SLFN14: variants seen among roughly 807,000 people sequenced by gnomAD.
SLFN14 encodes the protein schlafen family member 14.
A neutral mutation model predicts 58.6 loss-of-function variants in SLFN14; 47 were observed. That is an observed-to-expected ratio of 0.80 (90% CI 0.64 to 1.02). The LOEUF is 1.02. Ranked by LOEUF, SLFN14 falls within the 50% of genes least tolerant of loss-of-function variation. The probability of loss-of-function intolerance (pLI) is 0.00; values close to 1 mark genes in which losing one functional copy is unlikely to be tolerated. For synonymous variants in SLFN14, 390 were observed against 387.3 expected, an observed-to-expected ratio of 1.01 and a Z score of -0.08; for missense variants, 967 against 1,078.4, an observed-to-expected ratio of 0.90 and a Z score of 1.45.
chr17:35,544,454 A>G lies in SLFN14; in HGVS notation c.*3785T>C, dbSNP rs915246220. On this transcript the variant is annotated 3_prime_UTR_variant, in exon 6 of 6. Coordinates refer to ENST00000674182, the MANE Select transcript of SLFN14 (RefSeq NM_001129820.2). The stretch of plus-strand genomic sequence containing the variant: ...CATAACTGTGTGAAAATATTTTTCC[A>G]TATCAACAAAGAATAGAAATAAATA... Among the ~76,000 whole-genome samples, 2 of 152,318 alleles carry G rather than the reference A, an allele frequency of 1.3e-5. No homozygotes were observed. The highest frequency in any genetic ancestry group is 3.9e-4 in the East Asian group (2 of 5,192).
Position 35,549,019 on chromosome 17 carries a change from A to G in SLFN14, c.1959T>C (p.Phe653=), listed in dbSNP as rs745514094. 6.4e-7 allele frequency: 1 copy of G among 1,551,686 alleles called. No individual in the cohort carries two copies. The change falls in exon 6 of 6, where the codon TTT becomes TTC. Residue 653 remains phenylalanine (F), a synonymous_variant. Transcript: ENST00000674182. Reference sequence around the variant, plus strand: ...CCATCACTATGTGTTTAATCTTTAGAAACTCCCCTTGCATGAAAGTTTTCC... The same window carrying G: ...CCATCACTATGTGTTTAATCTTTAGGAACTCCCCTTGCATGAAAGTTTTCC... ...VTRKTFMQGE[F]LKIKHIVMDE... is the part of the protein sequence containing the mutation.
At chr17:35,555,387 T>A (rs183016266) in intron 3 of SLFN14, among the ~76,000 whole-genome samples, 17 of 137,584 alleles carry the variant, frequency 1.2e-4, no homozygotes, top group Non-Finnish European at 2.5e-4. Flanking sequence ...AAAAAAAAAA[T>A]ACAAAAAAAT....
intron 2 of SLFN14, 122 bp from the exon 3 acceptor site, chr17:35,558,228 T>C (rs2072672457): frequency 5.8e-6 from 4 of 688,508 alleles, no homozygotes; most frequent in Non-Finnish European, 9.3e-6. Flanking sequence ...TCTCTCTATA[T>C]GTATATTTGT....
In SLFN14 at chr17:35,558,054, ACT is replaced by A. The variant is rs778289076; in HGVS notation, c.7_8del (p.Leu4GlnfsTer3). On this transcript the variant is annotated frameshift_variant, in exon 3 of 6. Transcript: ENST00000674182. LOFTEE classifies it high-confidence loss of function. The part of the protein sequence containing the change: ME[S>X]LKTDTEMPYP... ...ACGGCATTTCAGTATCAGTCTTGAG[ACT>A]CTCCATTTCAGCAGCCCCTCTGTGC... The A allele has an allele frequency of 2.5e-5, 39 of 1,550,516 alleles. No homozygotes were observed. The South Asian group carries it at 4.4e-4, about 18-fold the overall frequency.
intron 4 of SLFN14, 80 bp from the exon 5 acceptor site, chr17:35,553,524 G>C (rs999544666): frequency 3.7e-6 from 4 of 1,093,334 alleles, no homozygotes; most frequent in Non-Finnish European, 5.1e-6. Flanking sequence ...AGAAAAAAAT[G>C]ATACCTGGTG....
In SLFN14 at chr17:35,548,679, C is replaced by A. The variant is rs745522875; in HGVS notation, c.2299G>T (p.Glu767Ter). The change falls in exon 6 of 6, where the codon GAG (glutamate) becomes TAG (stop). Residue 767 changes from glutamate to a stop codon, truncating the protein, a stop_gained. Coordinates refer to ENST00000674182, the MANE Select transcript of SLFN14 (RefSeq NM_001129820.2). LOFTEE classifies it low-confidence loss of function (END_TRUNC). ...CACGTTGCTTCCTCATAGGCAGTCT[C>A]GCTGAACAATGCTAATGTGTCTGGA... is the stretch of plus-strand genomic sequence containing the variant. ...MSPDTLALFS[E>*]TAYEEATCAQ... 1.9e-6 allele frequency: 3 copies of A among 1,551,634 alleles called. No homozygotes were observed. Among genetic ancestry groups the A allele is most frequent in the Non-Finnish European group, 2.6e-6 (3 of 1,147,016 alleles).
chr17:35,553,498 A>G, intron 4 of SLFN14, 54 bp from the exon 5 acceptor site: 2 of 1,356,058 alleles, frequency 1.5e-6, no homozygotes, highest in Non-Finnish European at 2.0e-6. Context: ...TGTGGTAAGT[A>G]TTCCTGCAAC....
intron 3 of SLFN14, among the ~76,000 whole-genome samples, chr17:35,556,563 A>C (rs1302935171): frequency 6.6e-6 from 1 of 152,152 alleles, no homozygotes; most frequent in African/African-American, 2.4e-5. Context: ...AGGTGAGTTG[A>C]TCACTTGAGG....
At chr17:35,550,572 TA>T (rs1448731921) in intron 5 of SLFN14, among the ~76,000 whole-genome samples, 1 of 152,222 alleles carries the variant, frequency 6.6e-6, no homozygotes, top group Non-Finnish European at 1.5e-5. Context: ...ATTAGTTAAT[TA>T]AAATGAGCAT....
rs569515791 is a variant in SLFN14, at chr17:35,553,596, C to T, written c.1190-152G>A. On this transcript the variant is annotated intron_variant, in intron 4 of 5. Coordinates refer to ENST00000674182, the MANE Select transcript of SLFN14 (RefSeq NM_001129820.2). Reference sequence around the variant, plus strand: ...ATTCTTAATCAGGAGCAGTTTTACTCCCCAACTCTCCCCCATCCCCACGGA... The same window carrying T: ...ATTCTTAATCAGGAGCAGTTTTACTTCCCAACTCTCCCCCATCCCCACGGA... 2.5e-5 allele frequency: 16 copies of T among 649,966 alleles called. No individual in the cohort carries two copies. The South Asian group carries it at 3.2e-4, about 13-fold the overall frequency. 40.3% of individuals were successfully genotyped at this position (649,966 alleles called of 1,614,324 possible). A position where few individuals can be genotyped will look rare whatever the true frequency, so the allele number is the denominator to read the frequency against.
At chr17:35,551,846 T>G (rs1488443261) in intron 5 of SLFN14, among the ~76,000 whole-genome samples, 12 of 152,254 alleles carry the variant, frequency 7.9e-5, no homozygotes, top group Non-Finnish European at 1.5e-5. Flanking sequence ...CAGAGGAGCT[T>G]CAAAACACTG....
intron 5 of SLFN14, among the ~76,000 whole-genome samples, chr17:35,551,775 TAATC>T (rs2072590212): frequency 7.4e-6 from 1 of 134,566 alleles, no homozygotes; most frequent in African/African-American, 3.0e-5. Context: ...GTTATTATGT[TAATC>T]AATCCGGAAT....
Position 35,549,064 on chromosome 17 carries a change from GGTTT to G in SLFN14, c.1910_1913del (p.Gln637ProfsTer6). ...TTTTCCTGGTCACAGCTTGGCAGGT[GGTTT>G]GTTGGCTGTAAGGACGGAAAAAACA... On this transcript the variant is annotated frameshift_variant, in exon 6 of 6. Transcript: ENST00000674182. LOFTEE classifies it low-confidence loss of function (END_TRUNC). 1 of 1,551,012 alleles carries G rather than the reference GGTTT, an allele frequency of 6.4e-7. No individual in the cohort carries two copies. Among genetic ancestry groups the G allele is most frequent in the Non-Finnish European group, 8.7e-7 (1 of 1,146,748 alleles).
At chr17:35,553,588 G>A in intron 4 of SLFN14, 144 bp from the exon 5 acceptor site, 1 of 696,558 alleles carries the variant, frequency 1.4e-6, no homozygotes, top group Non-Finnish European at 2.3e-6. Flanking sequence ...ATCAGGAGCA[G>A]TTTTACTCCC....
Position 35,553,454 on chromosome 17 carries a change from C to T in SLFN14, c.1190-10G>A, listed in dbSNP as rs563158300. The T allele has an allele frequency of 3.7e-4, 563 of 1,521,786 alleles. 7 individuals carry two copies. The South Asian group carries it at 6.5e-3, about 17-fold the overall frequency. 94.3% of individuals were successfully genotyped at this position (1,521,786 alleles called of 1,614,324 possible). On this transcript the variant is annotated splice_polypyrimidine_tract_variant and intron_variant, in intron 4 of 5. Coordinates refer to ENST00000674182, the MANE Select transcript of SLFN14 (RefSeq NM_001129820.2). ...ACCTCTTCCTGTGTCACTGAAAATT[C>T]AAGGAATAGATGTTACCAAAACTTA...
At position 35,544,950 on chromosome 17, in the gene SLFN14, AT is replaced by A. The variant is rs2072523748; in HGVS notation, c.*3288del. 1.3e-5 allele frequency among the ~76,000 whole-genome samples: 2 copies of A among 152,196 alleles called. No homozygotes were observed. Among genetic ancestry groups the A allele is most frequent in the African/African-American group, 4.8e-5 (2 of 41,440 alleles). On this transcript the variant is annotated 3_prime_UTR_variant, in exon 6 of 6. Coordinates refer to ENST00000674182, the MANE Select transcript of SLFN14 (RefSeq NM_001129820.2). Reference sequence around the variant, plus strand: ...TCACAGTTTCTAAAGCTTCTCTTTTATCTTAGTTATTTCATTTAGTTAATTG... The same window carrying A: ...TCACAGTTTCTAAAGCTTCTCTTTTACTTAGTTATTTCATTTAGTTAATTG...
chr17:35,554,013 G>T (rs1193218681), intron 4 of SLFN14, among the ~76,000 whole-genome samples: 4 of 152,086 alleles, frequency 2.6e-5, no homozygotes, highest in Admixed American at 1.3e-4. Context: ...ATGCTGCTAA[G>T]TATTCTACAA....
chr17:35,554,795 G>C, intron 3 of SLFN14, 91 bp from the exon 4 acceptor site: 1 of 1,164,262 alleles, frequency 8.6e-7, no homozygotes, highest in Non-Finnish European at 1.1e-6. Context: ...CTTCTTACTG[G>C]AGACCTGTGA....
intron 5 of SLFN14, among the ~76,000 whole-genome samples, chr17:35,551,772 T>A (rs1387709241): frequency 7.1e-6 from 1 of 140,540 alleles, no homozygotes; most frequent in African/African-American, 2.8e-5. Context: ...GCTGTTATTA[T>A]GTTAATCAAT....
Sources: allele counts gnomAD v4.1 joint callset (sites outside exome capture counted in the v4.1 genomes callset), GRCh38; gene constraint gnomAD v4.1.1; transcripts MANE v1.5; gene names NCBI Gene and HGNC (gene_info 2026-07-23, HGNC 2026-07-21).